GALNT1: variants seen among roughly 807,000 people sequenced by gnomAD.
GALNT1 encodes the protein polypeptide N-acetylgalactosaminyltransferase 1.
Under a neutral mutation model 65.7 loss-of-function variants are expected in GALNT1, and 17 were observed. That is an observed-to-expected ratio of 0.26 (90% CI 0.18 to 0.39). The LOEUF is 0.39. Among genes scored for constraint, GALNT1 ranks in the 10% least tolerant of loss-of-function variants. The pLI is 1.00. For missense variants in GALNT1, 460 were observed against 672.8 expected, an observed-to-expected ratio of 0.68 and a Z score of 3.50; for synonymous variants, 210 against 219.7, an observed-to-expected ratio of 0.96 and a Z score of 0.39.
intron 1 of GALNT1, among the ~76,000 whole-genome samples, chr18:35,624,742 T>C (rs1248161198): frequency 6.6e-6 from 1 of 152,210 alleles, no homozygotes; most frequent in African/African-American, 2.4e-5. Context: ...ATTCTCAACA[T>C]ATTTGCTCTT....
intron 5 of GALNT1, 141 bp downstream of exon 5, chr18:35,683,739 C>G: frequency 1.5e-6 from 1 of 673,838 alleles, no homozygotes; most frequent in South Asian, 2.2e-5. Context: ...GAAGAGGACT[C>G]TAAAGGAAAT....
At chr18:35,632,152 C>T (rs538856813) in intron 1 of GALNT1, among the ~76,000 whole-genome samples, 1 of 152,142 alleles carries the variant, frequency 6.6e-6, no homozygotes, top group African/African-American at 2.4e-5. Flanking sequence ...TCAATGCCAT[C>T]CCCATCAAGC....
intron 5 of GALNT1, among the ~76,000 whole-genome samples, chr18:35,684,833 C>T (rs2047842816): frequency 6.6e-6 from 1 of 152,156 alleles, no homozygotes; most frequent in African/African-American, 2.4e-5. Context: ...AAGCTTCTGC[C>T]TTGAGAGACA....
intron 5 of GALNT1, among the ~76,000 whole-genome samples, chr18:35,684,371 A>C (rs2047834848): frequency 2.0e-5 from 3 of 152,198 alleles, no homozygotes. Flanking sequence ...AAGATGAATA[A>C]ATAGGAAAAC....
At chr18:35,685,973 C>T (rs1170694072) in intron 5 of GALNT1, among the ~76,000 whole-genome samples, 1 of 152,102 alleles carries the variant, frequency 6.6e-6, no homozygotes, top group Non-Finnish European at 1.5e-5. Context: ...GAGGCTGAGT[C>T]GGGAGGATCG....
rs1295178765 is a variant in GALNT1 at position 35,630,091 on chromosome 18, C to T, written c.-103-24469C>T. Among the ~76,000 whole-genome samples the T allele has an allele frequency of 1.1e-4, 17 of 152,222 alleles. 1 individual carries two copies. The highest frequency in any genetic ancestry group is 4.1e-4 in the African/African-American group (17 of 41,526). ...ACCTACAAAGAGACTTAGACTCCCACGCAATAATAATGGGAGACTTTAACA... is the reference window on the plus strand; with the variant it reads ...ACCTACAAAGAGACTTAGACTCCCATGCAATAATAATGGGAGACTTTAACA... On this transcript the variant is annotated intron_variant, in intron 1 of 11. Transcript: ENST00000269195.
At chr18:35,695,481 A>C (rs2048040703) in intron 9 of GALNT1, among the ~76,000 whole-genome samples, 1 of 152,080 alleles carries the variant, frequency 6.6e-6, no homozygotes, top group Non-Finnish European at 1.5e-5. Context: ...GGAATTGGGG[A>C]AAGAGAAAAG....
chr18:35,583,905 A>G (rs2046351803), intron 1 of GALNT1, among the ~76,000 whole-genome samples: 1 of 152,222 alleles, frequency 6.6e-6, no homozygotes, highest in East Asian at 1.9e-4. Context: ...TTTAACTAAT[A>G]TAATAATAAT....
At chr18:35,689,910 A>G (rs1176607811) in intron 7 of GALNT1, among the ~76,000 whole-genome samples, 1 of 152,232 alleles carries the variant, frequency 6.6e-6, no homozygotes, top group Non-Finnish European at 1.5e-5. Flanking sequence ...ACTGACGTGT[A>G]CTGTAATCTG....
intron 4 of GALNT1, among the ~76,000 whole-genome samples, chr18:35,680,979 ATTT>A: frequency 6.6e-6 from 1 of 152,118 alleles, no homozygotes; most frequent in East Asian, 1.9e-4. Context: ...GAAGACTATT[ATTT>A]TTTCATTTTA....
intron 1 of GALNT1, among the ~76,000 whole-genome samples, chr18:35,587,556 T>G (rs1183354480): frequency 3.3e-5 from 5 of 152,092 alleles, no homozygotes; most frequent in African/African-American, 1.2e-4. Flanking sequence ...TTATCATGAG[T>G]GAGTGTTGAA....
At chr18:35,692,117 A>T in intron 8 of GALNT1, 64 bp from the exon 9 acceptor site, 1 of 1,396,206 alleles carries the variant, frequency 7.2e-7, no homozygotes, top group South Asian at 1.2e-5. Flanking sequence ...ATTAGATTCA[A>T]TATATAAACA....
intron 1 of GALNT1, among the ~76,000 whole-genome samples, chr18:35,619,049 C>G (rs1172941098): frequency 6.6e-6 from 1 of 152,046 alleles, no homozygotes; most frequent in Admixed American, 6.6e-5. Flanking sequence ...ACTTAAAAAC[C>G]GATATGCCAA....
intron 1 of GALNT1, among the ~76,000 whole-genome samples, chr18:35,613,927 G>A (rs2046750596): frequency 6.6e-6 from 1 of 151,934 alleles, no homozygotes; most frequent in Admixed American, 6.6e-5. Flanking sequence ...CTCAGTCTCA[G>A]GACTGAGAAT....
chr18:35,658,730 GAC>G (rs2144420297), intron 2 of GALNT1, among the ~76,000 whole-genome samples: 1 of 140,108 alleles, frequency 7.1e-6, no homozygotes, highest in Admixed American at 7.2e-5. Flanking sequence ...TTTTTTTAAA[GAC>G]AGAGTCTTAC....
At chr18:35,591,482 C>G (rs1212508710) in intron 1 of GALNT1, among the ~76,000 whole-genome samples, 1 of 152,182 alleles carries the variant, frequency 6.6e-6, no homozygotes, top group Non-Finnish European at 1.5e-5. Context: ...TTAAATGGCA[C>G]TGAGAAGATA....
intron 1 of GALNT1, among the ~76,000 whole-genome samples, chr18:35,621,730 A>G (rs1259768128): frequency 6.6e-6 from 1 of 152,152 alleles, no homozygotes; most frequent in East Asian, 1.9e-4. Context: ...AGTTGCCTAT[A>G]GTTTAGAGTG....
chr18:35,630,015 T>C (rs2046983640), intron 1 of GALNT1, among the ~76,000 whole-genome samples: 3 of 152,206 alleles, frequency 2.0e-5, no homozygotes, highest in African/African-American at 7.2e-5. Context: ...ATCTTAAATA[T>C]ATATGCACCC....
At chr18:35,708,684 A>C (rs2048305372) in intron 11 of GALNT1, among the ~76,000 whole-genome samples, 2 of 152,206 alleles carry the variant, frequency 1.3e-5, no homozygotes. Flanking sequence ...TATCACAATC[A>C]TTGGTGTGGA....
Sources: gnomAD v4.1 joint callset for allele counts (sites outside exome capture counted in the v4.1 genomes callset) on GRCh38, gnomAD v4.1.1 for gene constraint, MANE v1.5 for transcripts, NCBI Gene and HGNC (gene_info 2026-07-23, HGNC 2026-07-21) for gene names.